The following EDIL3 variants were observed in gnomAD, a reference collection of about 807,000 sequenced individuals.
The protein encoded by EDIL3 is EGF like and discoidin domains 3.
Under a neutral mutation model 67.4 loss-of-function variants are expected in EDIL3, and 37 were observed. The ratio of observed to expected loss-of-function variants is 0.55; its 90% confidence interval spans 0.42 to 0.72. The LOEUF is 0.72. EDIL3 is among the 30% of genes least tolerant of loss of function. The pLI, the probability that EDIL3 is intolerant of heterozygous loss-of-function variation, is 0.00. For missense variants in EDIL3, 527 were observed against 586.3 expected (o/e 0.90, Z 1.04); for synonymous variants, 195 against 196.3 (o/e 0.99, Z 0.05).
intron 1 of EDIL3, among the ~76,000 whole-genome samples, chr5:84,366,639 T>A (rs1364189658): frequency 6.6e-6 from 1 of 152,226 alleles, no homozygotes; most frequent in Non-Finnish European, 1.5e-5. Context: ...TGTTCTATTG[T>A]ATCAGAAATG....
intron 1 of EDIL3, among the ~76,000 whole-genome samples, chr5:84,322,710 A>G (rs974358093): frequency 3.9e-5 from 6 of 152,122 alleles, no homozygotes; most frequent in African/African-American, 1.2e-4. Flanking sequence ...GTAAACATCC[A>G]AAAGGTCGAT....
At chr5:84,384,166 G>A in intron 1 of EDIL3, 142 bp downstream of exon 1, 1 of 1,013,584 alleles carries the variant, frequency 9.9e-7, no homozygotes, top group Non-Finnish European at 1.4e-6. Flanking sequence ...GGGGCACCCA[G>A]GACTCGACGC....
At chr5:84,211,303 TCTC>T (rs1229196819) in intron 3 of EDIL3, among the ~76,000 whole-genome samples, 2 of 152,058 alleles carry the variant, frequency 1.3e-5, no homozygotes, top group Non-Finnish European at 2.9e-5. Context: ...CTCTCTCTCT[TCTC>T]CTTTCTCGCC....
At chr5:84,128,811 T>C (rs981803866) in intron 5 of EDIL3, among the ~76,000 whole-genome samples, 4 of 152,128 alleles carry the variant, frequency 2.6e-5, no homozygotes, top group African/African-American at 9.6e-5. Flanking sequence ...TAAGAGCAAG[T>C]TTTAGCCTGG....
At chr5:84,000,423 T>C (rs145498219) in intron 9 of EDIL3, among the ~76,000 whole-genome samples, 1 of 152,276 alleles carries the variant, frequency 6.6e-6, no homozygotes, top group African/African-American at 2.4e-5. Context: ...AGTTAAAATG[T>C]AGAGTTTTTA....
In EDIL3 at chr5:84,217,744, A is replaced by T. The variant is rs1027217518; in HGVS notation, c.226+12111T>A. 2.0e-4 allele frequency among the ~76,000 whole-genome samples: 30 copies of T among 151,350 alleles called. 1 individual carries two copies. The highest frequency in any genetic ancestry group is 5.6e-4 in the African/African-American group (23 of 41,162). On this transcript the variant is annotated intron_variant, in intron 3 of 10. Transcript: ENST00000296591. ...CAAACACACACACACACACACACAC[A>T]CACACACACACACACACACATCCTT...
intron 1 of EDIL3, among the ~76,000 whole-genome samples, chr5:84,291,532 A>G (rs1187983986): frequency 1.3e-5 from 2 of 151,890 alleles, no homozygotes; most frequent in Non-Finnish European, 2.9e-5. Context: ...CAATGTAAAT[A>G]ACAAACCGAA....
At chr5:84,059,323 A>G (rs1215335354) in intron 9 of EDIL3, among the ~76,000 whole-genome samples, 3 of 152,098 alleles carry the variant, frequency 2.0e-5, no homozygotes, top group South Asian at 4.1e-4. Flanking sequence ...GGACTGCTGG[A>G]GCCCAGGAAT....
At chr5:84,269,161 C>G (rs1004694365) in intron 1 of EDIL3, among the ~76,000 whole-genome samples, 35 of 152,142 alleles carry the variant, frequency 2.3e-4, no homozygotes, top group African/African-American at 8.2e-4. Context: ...GCACATTGTT[C>G]CATTTCAAGT....
intron 9 of EDIL3, among the ~76,000 whole-genome samples, chr5:83,992,887 T>G (rs1745175117): frequency 6.6e-6 from 1 of 151,804 alleles, no homozygotes; most frequent in African/African-American, 2.4e-5. Context: ...TTAAATCTTT[T>G]TATTAATTAA....
intron 9 of EDIL3, among the ~76,000 whole-genome samples, chr5:84,059,492 G>A (rs944241217): frequency 1.3e-4 from 20 of 152,126 alleles, no homozygotes; most frequent in Non-Finnish European, 2.4e-4. Flanking sequence ...TACAGATTTG[G>A]CAAATCTTGT....
At chr5:84,080,115 CAAAAAAAAAAAAA>C (rs10566347) in intron 6 of EDIL3, among the ~76,000 whole-genome samples, 1 of 52,954 alleles carries the variant, frequency 1.9e-5, no homozygotes, top group Non-Finnish European at 3.4e-5. Flanking sequence ...ACTAAAAATA[CAAAAAAAAAAAAA>C]AAAAAAAAAA....
At chr5:84,183,171 C>T (rs1006839108) in intron 3 of EDIL3, among the ~76,000 whole-genome samples, 6 of 152,090 alleles carry the variant, frequency 3.9e-5, no homozygotes, top group South Asian at 2.1e-4. Context: ...CTTAGGTCTT[C>T]GTCATTATCA....
chr5:84,158,227 T>A (rs1748529190), intron 4 of EDIL3, among the ~76,000 whole-genome samples: 2 of 152,080 alleles, frequency 1.3e-5, no homozygotes, highest in African/African-American at 4.8e-5. Flanking sequence ...TTGTTACCTT[T>A]ATTCAGCAAT....
intron 1 of EDIL3, among the ~76,000 whole-genome samples, chr5:84,343,041 C>T (rs1184748987): frequency 6.6e-6 from 1 of 151,902 alleles, no homozygotes; most frequent in Non-Finnish European, 1.5e-5. Context: ...TACTTTTTAG[C>T]AAGACTAGGA....
intron 9 of EDIL3, among the ~76,000 whole-genome samples, chr5:84,055,615 A>G (rs1341124886): frequency 6.6e-6 from 1 of 152,096 alleles, no homozygotes; most frequent in Admixed American, 6.5e-5. Context: ...TTTACAAGAA[A>G]AAAACAAACA....
chr5:84,290,593 C>T (rs538284873), intron 1 of EDIL3, among the ~76,000 whole-genome samples: 3 of 152,250 alleles, frequency 2.0e-5, no homozygotes, highest in African/African-American at 7.2e-5. Flanking sequence ...ATTTTTCTTA[C>T]CAGAGATGGT....
intron 9 of EDIL3, among the ~76,000 whole-genome samples, chr5:84,007,017 C>T (rs1745429161): frequency 6.6e-6 from 1 of 151,806 alleles, no homozygotes; most frequent in Non-Finnish European, 1.5e-5. Flanking sequence ...TGACAAGGCA[C>T]CAAGAACCTA....
chr5:84,252,493 C>CAAAAAAAAAAAAAA (rs70975548), intron 2 of EDIL3, among the ~76,000 whole-genome samples: 668 of 28,938 alleles, frequency 0.023, 159 homozygotes, highest in South Asian at 0.035. Flanking sequence ...GACTCCGTCT[C>CAAAAAAAAAAAAAA]AAAAAAAAAA....
Sources: allele counts gnomAD v4.1 joint callset (sites outside exome capture counted in the v4.1 genomes callset), GRCh38; gene constraint gnomAD v4.1.1; transcripts MANE v1.5; gene names NCBI Gene and HGNC (gene_info 2026-07-23, HGNC 2026-07-21).